IMMP2L: variants seen among roughly 807,000 people sequenced by gnomAD.
IMMP2L encodes inner mitochondrial membrane peptidase subunit 2, also known as mitochondrial inner membrane protease subunit 2.
Under a neutral mutation model 19.3 loss-of-function variants are expected in IMMP2L, and 18 were observed. The observed-to-expected ratio is 0.93, with a 90% CI of 0.64 to 1.38. The LOEUF is 1.38. Ranked by LOEUF, IMMP2L falls within the 40% of genes most tolerant of loss-of-function variation. The pLI is 0.00. For synonymous variants in IMMP2L, 76 were observed against 73.0 expected (o/e 1.04, Z -0.21); for missense variants, 233 against 218.2 (o/e 1.07, Z -0.43).
chr7:111,293,893 T>G (rs150853597), intron 3 of IMMP2L, among the ~76,000 whole-genome samples: 10 of 152,056 alleles, frequency 6.6e-5, no homozygotes, highest in Admixed American at 6.6e-5. Flanking sequence ...AATCAAGATA[T>G]AGATTTCAAC....
intron 2 of IMMP2L, among the ~76,000 whole-genome samples, chr7:111,500,329 T>A (rs887550189): frequency 1.3e-5 from 2 of 152,140 alleles, no homozygotes; most frequent in Non-Finnish European, 2.9e-5. Flanking sequence ...ACGCGGAGAC[T>A]ACCACAGCTC....
intron 3 of IMMP2L, among the ~76,000 whole-genome samples, chr7:111,460,372 A>G (rs1354997441): frequency 6.6e-6 from 1 of 152,182 alleles, no homozygotes; most frequent in Non-Finnish European, 1.5e-5. Context: ...ACTAAAAGAA[A>G]ATAGAGGAAG....
chr7:111,164,374 CTAAGTG>C (rs892303240), intron 3 of IMMP2L, among the ~76,000 whole-genome samples: 1 of 152,016 alleles, frequency 6.6e-6, no homozygotes, highest in Admixed American at 6.6e-5. Context: ...AGTCCTGTCA[CTAAGTG>C]GATGGGACCC....
intron 3 of IMMP2L, among the ~76,000 whole-genome samples, chr7:111,127,182 C>G (rs1200746195): frequency 1.3e-5 from 2 of 152,148 alleles, no homozygotes; most frequent in Non-Finnish European, 2.9e-5. Flanking sequence ...TAGAATTTAT[C>G]AGCCAGACAT....
Position 111,406,647 on chromosome 7 carries a change from T to C in IMMP2L, c.239+80591A>G, listed in dbSNP as rs1010772156. Among the ~76,000 whole-genome samples the C allele has an allele frequency of 4.6e-5, 7 of 152,212 alleles. No homozygotes were observed. The East Asian group carries it at 1.2e-3, about 25-fold the overall frequency. On this transcript the variant is annotated intron_variant, in intron 3 of 5. Transcript: ENST00000405709. ...GTCTGGAAAAGTTTCCCCCAACTTA[T>C]CTAGGTGGTTTAATTCCTCATTTTA...
chr7:111,432,369 G>T (rs1416298400), intron 3 of IMMP2L, among the ~76,000 whole-genome samples: 1 of 151,806 alleles, frequency 6.6e-6, no homozygotes, highest in East Asian at 1.9e-4. Flanking sequence ...GGAACACCAT[G>T]ATCAGGTGGG....
At chr7:110,854,011 G>A (rs1452326799) in intron 5 of IMMP2L, among the ~76,000 whole-genome samples, 6 of 151,888 alleles carry the variant, frequency 4.0e-5, no homozygotes, top group African/African-American at 1.4e-4. Context: ...TTTAAAGTAT[G>A]GACTAAGAAT....
intron 3 of IMMP2L, among the ~76,000 whole-genome samples, chr7:111,191,088 T>A (rs766921869): frequency 6.6e-6 from 1 of 152,142 alleles, no homozygotes; most frequent in Non-Finnish European, 1.5e-5. Context: ...AACAAAAGCA[T>A]ACTGCCTGAC....
At chr7:110,960,111 A>T (rs957876475) in intron 4 of IMMP2L, among the ~76,000 whole-genome samples, 2 of 151,944 alleles carry the variant, frequency 1.3e-5, no homozygotes, top group Non-Finnish European at 2.9e-5. Flanking sequence ...TGGTATTCCT[A>T]ATCCTGTTAG....
At chr7:110,902,340 A>C (rs1312183408) in intron 4 of IMMP2L, among the ~76,000 whole-genome samples, 1 of 151,864 alleles carries the variant, frequency 6.6e-6, no homozygotes, top group Non-Finnish European at 1.5e-5. Context: ...AAAAAACAGT[A>C]ATTAAACCCA....
chr7:111,229,159 C>A (rs1182826537), intron 3 of IMMP2L, among the ~76,000 whole-genome samples: 1 of 151,988 alleles, frequency 6.6e-6, no homozygotes, highest in Non-Finnish European at 1.5e-5. Flanking sequence ...AAAGTAACTT[C>A]TTTCCACACT....
intron 2 of IMMP2L, among the ~76,000 whole-genome samples, chr7:111,519,403 C>A (rs907678963): frequency 6.6e-6 from 1 of 152,074 alleles, no homozygotes; most frequent in South Asian, 2.1e-4. Context: ...TACCAGTAGC[C>A]AAGGAAACTA....
chr7:111,110,167 T>G (rs1235674644), intron 3 of IMMP2L, among the ~76,000 whole-genome samples: 1 of 152,148 alleles, frequency 6.6e-6, no homozygotes, highest in African/African-American at 2.4e-5. Context: ...TGAACTATAC[T>G]AAAATATGCA....
At chr7:110,995,365 A>G (rs900443854) in intron 3 of IMMP2L, among the ~76,000 whole-genome samples, 1 of 152,160 alleles carries the variant, frequency 6.6e-6, no homozygotes, top group African/African-American at 2.4e-5. Context: ...AAGCATATTT[A>G]TAGTTATTTA....
intron 5 of IMMP2L, among the ~76,000 whole-genome samples, chr7:110,699,204 C>A (rs1378482862): frequency 6.6e-6 from 1 of 152,154 alleles, no homozygotes; most frequent in Non-Finnish European, 1.5e-5. Flanking sequence ...TCAGAGTTGG[C>A]CCCAGTTTAA....
At chr7:111,236,708 C>T (rs79643468) in intron 3 of IMMP2L, among the ~76,000 whole-genome samples, 3,066 of 152,180 alleles carry the variant, frequency 0.02, 99 homozygotes, top group African/African-American at 0.068. Context: ...TGGACTTCCC[C>T]AGACTCCCAA....
At chr7:111,129,331 C>A (rs1372970675) in intron 3 of IMMP2L, among the ~76,000 whole-genome samples, 6 of 151,674 alleles carry the variant, frequency 4.0e-5, no homozygotes, top group African/African-American at 1.5e-4. Flanking sequence ...TTGATCCAAC[C>A]TTTTTCCTCA....
At chr7:111,358,317 G>C (rs1259232458) in intron 3 of IMMP2L, among the ~76,000 whole-genome samples, 1 of 151,158 alleles carries the variant, frequency 6.6e-6, no homozygotes, top group African/African-American at 2.4e-5. Context: ...TATTCCACTT[G>C]TTACTTAGGC....
intron 3 of IMMP2L, among the ~76,000 whole-genome samples, chr7:111,069,644 G>A (rs1324196589): frequency 6.6e-6 from 1 of 152,114 alleles, no homozygotes; most frequent in East Asian, 1.9e-4. Flanking sequence ...ACAAAGCAAT[G>A]AGTGTCCGAG....
Sources: gnomAD v4.1 joint callset for allele counts (sites outside exome capture counted in the v4.1 genomes callset) on GRCh38, gnomAD v4.1.1 for gene constraint, MANE v1.5 for transcripts, NCBI Gene and HGNC (gene_info 2026-07-23, HGNC 2026-07-21) for gene names.